The following AKAIN1 variants were observed in gnomAD, a reference collection of about 807,000 sequenced individuals.
AKAIN1 encodes A-kinase anchor protein inhibitor 1.
A neutral mutation model predicts 3.7 loss-of-function variants in AKAIN1; 3 were observed. That is an observed-to-expected ratio of 0.82 (90% CI 0.37 to 2.12). The LOEUF is 2.12. Among genes scored for constraint, AKAIN1 ranks in the 30% most tolerant of loss-of-function variants. The pLI is 0.06. For synonymous variants in AKAIN1, 31 were observed against 30.8 expected (o/e 1.01, Z -0.02); for missense variants, 82 against 82.7 (o/e 0.99, Z 0.03).
intron 1 of AKAIN1, among the ~76,000 whole-genome samples, chr18:5,164,556 A>T (rs537543180): frequency 6.6e-6 from 1 of 152,144 alleles, no homozygotes; most frequent in South Asian, 2.1e-4. Flanking sequence ...TGTCAAGGTC[A>T]TTTCTACAAT....
At chr18:5,149,862 T>A (rs1013419013) in intron 1 of AKAIN1, among the ~76,000 whole-genome samples, 1 of 152,188 alleles carries the variant, frequency 6.6e-6, no homozygotes, top group Non-Finnish European at 1.5e-5. Context: ...TTTTGTTTTT[T>A]TCTGATGGGG....
In AKAIN1 at chr18:5,181,792, A is replaced by G. The variant is rs2071260020; in HGVS notation, c.16+15246T>C. 3.3e-5 allele frequency among the ~76,000 whole-genome samples: 5 copies of G among 152,144 alleles called. 1 individual carries two copies. The South Asian group carries it at 8.3e-4, about 25-fold the overall frequency. On this transcript the variant is annotated intron_variant, in intron 1 of 1. Transcript: ENST00000434239. ...CTTCTTCCTAAGAACATTCAAGACC[A>G]AAGATAATGATCAAAGAATAGTATC...
chr18:5,162,630 G>A (rs1279529447), intron 1 of AKAIN1, among the ~76,000 whole-genome samples: 1 of 27,390 alleles, frequency 3.7e-5, no homozygotes, highest in East Asian at 9.3e-4. Flanking sequence ...TGATGCGTGT[G>A]TGTGTGTGTG....
At chr18:5,174,501 G>A (rs292328) in intron 1 of AKAIN1, among the ~76,000 whole-genome samples, 7,604 of 152,166 alleles carry the variant, frequency 0.05, 486 homozygotes, top group African/African-American at 0.14. Context: ...AGAACTTTGG[G>A]AGGCTGTGGT....
chr18:5,170,708 A>G (rs1476177037), intron 1 of AKAIN1: 1 of 152,062 alleles, frequency 6.6e-6, no homozygotes, highest in Non-Finnish European at 1.5e-5. Context: ...AGTGTCTTTA[A>G]CCTCCCCTTG....
intron 1 of AKAIN1, among the ~76,000 whole-genome samples, chr18:5,160,587 T>C (rs368001462): frequency 6.6e-6 from 1 of 152,156 alleles, no homozygotes; most frequent in Non-Finnish European, 1.5e-5. Flanking sequence ...TGGGTTTTTT[T>C]ATTCATTTCT....
intron 1 of AKAIN1, among the ~76,000 whole-genome samples, chr18:5,172,247 TA>T (rs2071201838): frequency 6.6e-6 from 1 of 151,982 alleles, no homozygotes; most frequent in Non-Finnish European, 1.5e-5. Context: ...GTACAAAAAT[TA>T]AAACAGGATG....
At chr18:5,164,218 T>G (rs1390268476) in intron 1 of AKAIN1, among the ~76,000 whole-genome samples, 1 of 152,094 alleles carries the variant, frequency 6.6e-6, no homozygotes, top group Non-Finnish European at 1.5e-5. Context: ...CCCAGGGGAA[T>G]AGATAAATTG....
At chr18:5,156,154 C>T (rs563532362) in intron 1 of AKAIN1, among the ~76,000 whole-genome samples, 1 of 152,216 alleles carries the variant, frequency 6.6e-6, no homozygotes, top group African/African-American at 2.4e-5. Flanking sequence ...ATTCTCAGTT[C>T]CCGGGCATGG....
chr18:5,166,876 C>T (rs1021430292), intron 1 of AKAIN1, among the ~76,000 whole-genome samples: 38 of 152,062 alleles, frequency 2.5e-4, no homozygotes, highest in Admixed American at 2.1e-3. Context: ...CATGTTTCTG[C>T]TCCTAAAATC....
rs1024816325 is a variant in AKAIN1 at position 5,143,814 on chromosome 18, A to G, written c.*1748T>C. 6.6e-6 allele frequency among the ~76,000 whole-genome samples: 1 copy of G among 152,218 alleles called. No individual in the cohort carries two copies. Among genetic ancestry groups the G allele is most frequent in the African/African-American group, 2.4e-5 (1 of 41,468 alleles). On this transcript the variant is annotated 3_prime_UTR_variant, in exon 2 of 2. Coordinates refer to ENST00000434239, the MANE Select transcript of AKAIN1 (RefSeq NM_001145194.2). ...AATAGTATGTTTATATGTTTCTGTCACTTGACAGCAAAAACAAAGGCTGGT... is the reference window on the plus strand; with the variant it reads ...AATAGTATGTTTATATGTTTCTGTCGCTTGACAGCAAAAACAAAGGCTGGT...
chr18:5,177,203 T>C (rs774958617), intron 1 of AKAIN1, among the ~76,000 whole-genome samples: 17 of 152,202 alleles, frequency 1.1e-4, no homozygotes, highest in Admixed American at 2.0e-4. Context: ...AATTTATATA[T>C]GATGTATCTT....
At chr18:5,192,656 G>A (rs1403156376) in intron 1 of AKAIN1, among the ~76,000 whole-genome samples, 1 of 151,918 alleles carries the variant, frequency 6.6e-6, no homozygotes, top group Non-Finnish European at 1.5e-5. Context: ...TGATTTGTAA[G>A]CCATTCTATC....
At chr18:5,161,845 C>T (rs972839214) in intron 1 of AKAIN1, among the ~76,000 whole-genome samples, 17 of 152,090 alleles carry the variant, frequency 1.1e-4, no homozygotes, top group African/African-American at 3.6e-4. Flanking sequence ...TTTTCTAATG[C>T]TAACCAATCT....
chr18:5,194,056 T>C (rs1209285485), intron 1 of AKAIN1, among the ~76,000 whole-genome samples: 3 of 152,152 alleles, frequency 2.0e-5, no homozygotes, highest in Non-Finnish European at 4.4e-5. Context: ...TTAGCCTAAG[T>C]CATGTAGCCT....
chr18:5,195,158 G>A (rs201077838), intron 1 of AKAIN1, among the ~76,000 whole-genome samples: 4 of 144,586 alleles, frequency 2.8e-5, no homozygotes, highest in East Asian at 2.0e-4. Flanking sequence ...GAAAAAAAAA[G>A]TTTCCCCAGA....
chr18:5,174,156 A>T (rs922421237), intron 1 of AKAIN1, among the ~76,000 whole-genome samples: 1 of 152,106 alleles, frequency 6.6e-6, no homozygotes, highest in Non-Finnish European at 1.5e-5. Context: ...GGACTCAATG[A>T]TGGAGATGAC....
chr18:5,183,089 A>G (rs2071267818), intron 1 of AKAIN1, among the ~76,000 whole-genome samples: 1 of 152,076 alleles, frequency 6.6e-6, no homozygotes, highest in Non-Finnish European at 1.5e-5. Flanking sequence ...CTGGTTCTGC[A>G]AACTAAAATA....
At position 5,166,305 on chromosome 18, in the gene AKAIN1, G is replaced by C. The variant is rs146974091; in HGVS notation, c.17-20550C>G. Among the ~76,000 whole-genome samples, 385 of 151,952 alleles carry C rather than the reference G, an allele frequency of 2.5e-3. 3 individuals are homozygous for C. Among genetic ancestry groups the C allele is most frequent in the African/African-American group, 8.8e-3 (367 of 41,498 alleles). ...CTGTTTTGTCACAACAAAATGTTTGGGTTTTTATTTTCGGAATTAATAAAT... is the reference window on the plus strand; with the variant it reads ...CTGTTTTGTCACAACAAAATGTTTGCGTTTTTATTTTCGGAATTAATAAAT... On this transcript the variant is annotated intron_variant, in intron 1 of 1. Coordinates refer to ENST00000434239, the MANE Select transcript of AKAIN1 (RefSeq NM_001145194.2).
Sources: allele counts gnomAD v4.1 joint callset (sites outside exome capture counted in the v4.1 genomes callset), GRCh38; gene constraint gnomAD v4.1.1; transcripts MANE v1.5; gene names NCBI Gene and HGNC (gene_info 2026-07-23, HGNC 2026-07-21).